Variants in WARS2 observed in about 807,000 individuals in gnomAD.
The protein encoded by WARS2 is tryptophanyl tRNA synthetase 2, mitochondrial, also known as tryptophan--tRNA ligase, mitochondrial.
WARS2 carries 28 observed loss-of-function variants against 36.5 expected under a neutral mutation model. The observed-to-expected ratio is 0.77, with a 90% CI of 0.57 to 1.05. The LOEUF is 1.05. Among genes scored for constraint, WARS2 ranks in the 50% least tolerant of loss-of-function variants. The pLI, the probability that WARS2 is intolerant of heterozygous loss-of-function variation, is 0.00. For missense variants in WARS2, 435 were observed against 456.8 expected, an observed-to-expected ratio of 0.95 and a Z score of 0.44; for synonymous variants, 174 against 178.4, an observed-to-expected ratio of 0.98 and a Z score of 0.20.
intron 1 of WARS2, among the ~76,000 whole-genome samples, chr1:119,098,487 G>A (rs1229179126): frequency 2.0e-5 from 3 of 151,900 alleles, no homozygotes; most frequent in Non-Finnish European, 4.4e-5. Flanking sequence ...GCCCAGGCTG[G>A]AGTGCAATGG....
intron 1 of WARS2, among the ~76,000 whole-genome samples, chr1:119,082,969 C>T (rs2101359276): frequency 6.6e-6 from 1 of 152,342 alleles, no homozygotes; most frequent in Non-Finnish European, 1.5e-5. Flanking sequence ...TGGCTCACAC[C>T]TGCAATCCCA....
At chr1:119,079,893 T>G (rs1652057322) in intron 1 of WARS2, among the ~76,000 whole-genome samples, 1 of 152,052 alleles carries the variant, frequency 6.6e-6, no homozygotes, top group African/African-American at 2.4e-5. Flanking sequence ...AACACACACA[T>G]AAAAGGCTTT....
At chr1:119,083,716 G>C (rs759874088) in intron 1 of WARS2, among the ~76,000 whole-genome samples, 13 of 152,146 alleles carry the variant, frequency 8.5e-5, no homozygotes, top group Admixed American at 7.2e-4. Flanking sequence ...AAGGTTATAC[G>C]TAAGTAAAGA....
intron 3 of WARS2, among the ~76,000 whole-genome samples, chr1:119,044,610 G>A (rs368619636): frequency 6.6e-6 from 1 of 152,168 alleles, no homozygotes; most frequent in African/African-American, 2.4e-5. Flanking sequence ...TAGTTCTGGA[G>A]GCTGGGAAGT....
At chr1:119,077,004 G>A (rs1299892370) in intron 1 of WARS2, among the ~76,000 whole-genome samples, 1 of 151,932 alleles carries the variant, frequency 6.6e-6, no homozygotes, top group East Asian at 1.9e-4. Flanking sequence ...CCTGGGCGTG[G>A]TGGTACACCT....
intron 3 of WARS2, among the ~76,000 whole-genome samples, chr1:119,044,823 G>A (rs1346833282): frequency 1.3e-5 from 2 of 152,162 alleles, no homozygotes; most frequent in Non-Finnish European, 2.9e-5. Flanking sequence ...CATCTTGGGA[G>A]TTAGGTTTCA....
intron 1 of WARS2, among the ~76,000 whole-genome samples, chr1:119,139,312 G>C (rs1656762129): frequency 6.6e-6 from 1 of 152,166 alleles, no homozygotes; most frequent in South Asian, 2.1e-4. Context: ...TAAGAATTTT[G>C]TGAGGCTCAC....
intron 4 of WARS2, 95 bp from the exon 5 acceptor site, chr1:119,034,308 C>T: frequency 4.0e-6 from 4 of 1,006,828 alleles, no homozygotes; most frequent in Non-Finnish European, 6.2e-6. Context: ...GAATATTTCA[C>T]TGTTGGTATT....
At chr1:119,090,979 G>C (rs1653004899) in intron 1 of WARS2, among the ~76,000 whole-genome samples, 1 of 152,168 alleles carries the variant, frequency 6.6e-6, no homozygotes, top group South Asian at 2.1e-4. Context: ...CATACTAACA[G>C]GAATGTTGGT....
intron 1 of WARS2, among the ~76,000 whole-genome samples, chr1:119,106,832 T>C (rs1557984523): frequency 1.3e-5 from 2 of 152,204 alleles, no homozygotes; most frequent in African/African-American, 2.4e-5. Flanking sequence ...CCAAGGAGCA[T>C]GAGTGCCAGA....
chr1:119,083,307 G>A (rs1433858660), intron 1 of WARS2, among the ~76,000 whole-genome samples: 1 of 152,190 alleles, frequency 6.6e-6, no homozygotes, highest in Non-Finnish European at 1.5e-5. Flanking sequence ...TACCATGTAA[G>A]GACACAGCAT....
intron 1 of WARS2, chr1:119,126,502 TAGGA>T: frequency 2.2e-6 from 1 of 454,046 alleles, no homozygotes; most frequent in Admixed American, 3.2e-5. Flanking sequence ...TTTTCACAAA[TAGGA>T]CTTTTTATTT....
At chr1:119,135,119 A>G (rs1477858709) in intron 1 of WARS2, among the ~76,000 whole-genome samples, 1 of 152,262 alleles carries the variant, frequency 6.6e-6, no homozygotes, top group Non-Finnish European at 1.5e-5. Context: ...AAATATATAC[A>G]CATCAAAGTA....
chr1:119,047,687 T>C (rs1275390106), intron 2 of WARS2, among the ~76,000 whole-genome samples: 1 of 152,172 alleles, frequency 6.6e-6, no homozygotes, highest in African/African-American at 2.4e-5. Context: ...TTCATGACAA[T>C]TGCATGGAAA....
chr1:119,094,373 CT>C (rs140962739), intron 1 of WARS2, among the ~76,000 whole-genome samples: 3,013 of 151,750 alleles, frequency 0.02, 90 homozygotes, highest in African/African-American at 0.068. Context: ...TCCAAAAGGA[CT>C]TTTTTTTCCC....
At position 119,031,822 on chromosome 1, in the gene WARS2, G is replaced by A. The variant is rs1041675956; in HGVS notation, c.*1089C>T. The A allele has an allele frequency of 2.6e-5, 4 of 152,428 alleles. No individual in the cohort carries two copies. Among genetic ancestry groups the A allele is most frequent in the Admixed American group, 2.6e-4 (4 of 15,290 alleles). The allele number at this position is 152,428 out of a possible 1,614,324, so 9.4% of individuals were successfully genotyped here. On this transcript the variant is annotated 3_prime_UTR_variant, in exon 6 of 6. Transcript: ENST00000235521. ...GCAGAACCTATTTCAAAGTATTTCTGCAATGAGCGTAGAGGAGAGAACTTG... is the reference window on the plus strand; with the variant it reads ...GCAGAACCTATTTCAAAGTATTTCTACAATGAGCGTAGAGGAGAGAACTTG...
chr1:119,127,061 AT>A, intron 1 of WARS2: 1 of 762,070 alleles, frequency 1.3e-6, no homozygotes, highest in Admixed American at 1.7e-5. Context: ...ATGCAACTTC[AT>A]CATTCTGCAA....
chr1:119,080,000 A>C (rs1232416880), intron 1 of WARS2, among the ~76,000 whole-genome samples: 1 of 152,186 alleles, frequency 6.6e-6, no homozygotes, highest in African/African-American at 2.4e-5. Flanking sequence ...GCATAGAATG[A>C]GTACCTATTA....
Position 119,131,549 on chromosome 1 carries a change from G to A in WARS2, c.90+9006C>T, listed in dbSNP as rs1418796085. On this transcript the variant is annotated intron_variant, in intron 1 of 5. Transcript: ENST00000235521. ...GCGATCTCGGCTCACTGCAAGCTCC[G>A]CCTCCCGGGTTCACATCATTCTCCT... Among the ~76,000 whole-genome samples the A allele has an allele frequency of 2.8e-5, 4 of 144,288 alleles. No individual in the cohort carries two copies. In the Admixed American group the frequency reaches 2.8e-4, roughly 10 times the overall value. 94.7% of individuals were successfully genotyped at this position (144,288 alleles called of 152,430 possible).
Sources: allele counts gnomAD v4.1 joint callset (sites outside exome capture counted in the v4.1 genomes callset), GRCh38; gene constraint gnomAD v4.1.1; transcripts MANE v1.5; gene names NCBI Gene and HGNC (gene_info 2026-07-23, HGNC 2026-07-21).